ESR1: variants seen among roughly 807,000 people sequenced by gnomAD.
ESR1 encodes the protein estrogen receptor 1.
A neutral mutation model predicts 52.7 loss-of-function variants in ESR1; 12 were observed. The ratio of observed to expected loss-of-function variants is 0.23; its 90% CI spans 0.15 to 0.37. ESR1 has a LOEUF of 0.37. Among genes scored for constraint, ESR1 ranks in the 10% least tolerant of loss-of-function variants. ESR1 has a pLI of 1.00. For missense variants in ESR1, 584 were observed against 779.7 expected, an observed-to-expected ratio of 0.75 and a Z score of 2.99; for synonymous variants, 305 against 316.8, an observed-to-expected ratio of 0.96 and a Z score of 0.39.
At chr6:151,712,902 C>T (rs1341663629) in intron 2 of ESR1, among the ~76,000 whole-genome samples, 1 of 152,126 alleles carries the variant, frequency 6.6e-6, no homozygotes, top group African/African-American at 2.4e-5. Context: ...AAGAGGATAT[C>T]CTTGTCTGGT....
intron 2 of ESR1, among the ~76,000 whole-genome samples, chr6:151,779,814 C>CACATATACACCATGGAATACTAT (rs1786362485): frequency 2.3e-5 from 3 of 130,334 alleles, no homozygotes; most frequent in Non-Finnish European, 3.4e-5. Flanking sequence ...GAAAATGTGG[C>CACATATACACCATGGAATACTAT]GCGTGAACCC....
chr6:151,824,949 G>C (rs961700595), intron 1 of ESR1, among the ~76,000 whole-genome samples: 2 of 151,860 alleles, frequency 1.3e-5, no homozygotes, highest in African/African-American at 4.8e-5. Flanking sequence ...AAGAGTTCTT[G>C]CTTTCAAAAC....
At chr6:151,978,987 A>G (rs1404243887) in intron 4 of ESR1, among the ~76,000 whole-genome samples, 1 of 152,228 alleles carries the variant, frequency 6.6e-6, no homozygotes, top group Non-Finnish European at 1.5e-5. Context: ...TGAAGGTTAA[A>G]TGATTAGGTA....
intron 5 of ESR1, among the ~76,000 whole-genome samples, chr6:152,016,897 G>T (rs2043211971): frequency 6.6e-6 from 1 of 152,162 alleles, no homozygotes; most frequent in Non-Finnish European, 1.5e-5. Flanking sequence ...AGGGGGGAAA[G>T]ATAGCTTGAA....
At chr6:151,705,398 T>C (rs1338738743) in intron 2 of ESR1, among the ~76,000 whole-genome samples, 1 of 152,158 alleles carries the variant, frequency 6.6e-6, no homozygotes, top group East Asian at 1.9e-4. Context: ...ATGATCTATA[T>C]CATTATTTTG....
intron 2 of ESR1, among the ~76,000 whole-genome samples, chr6:151,738,670 A>G (rs1044897865): frequency 6.6e-6 from 1 of 152,318 alleles, no homozygotes; most frequent in East Asian, 1.9e-4. Context: ...TAAGAGCAAT[A>G]TCATAAATTA....
At chr6:152,083,615 TA>T (rs2049426434) in intron 6 of ESR1, among the ~76,000 whole-genome samples, 1 of 152,194 alleles carries the variant, frequency 6.6e-6, no homozygotes, top group Non-Finnish European at 1.5e-5. Flanking sequence ...TGGATCTAAT[TA>T]AACTAAAGAG....
intron 3 of ESR1, among the ~76,000 whole-genome samples, chr6:151,912,126 G>A (rs1482935207): frequency 6.6e-6 from 1 of 152,152 alleles, no homozygotes; most frequent in Non-Finnish European, 1.5e-5. Context: ...GAGTGCTGAT[G>A]AATAATAGTA....
At chr6:151,998,471 G>A (rs2128736088) in intron 4 of ESR1, among the ~76,000 whole-genome samples, 1 of 152,054 alleles carries the variant, frequency 6.6e-6, no homozygotes, top group South Asian at 2.1e-4. Context: ...TTTGGGAAAA[G>A]CCAAGATGAG....
At chr6:152,059,796 A>G (rs2047404921) in intron 5 of ESR1, among the ~76,000 whole-genome samples, 1 of 152,180 alleles carries the variant, frequency 6.6e-6, no homozygotes, top group South Asian at 2.1e-4. Context: ...TTTAACAACA[A>G]AATACTTGAA....
chr6:151,878,581 G>C (rs1020001384), intron 2 of ESR1, among the ~76,000 whole-genome samples: 97 of 152,252 alleles, frequency 6.4e-4, no homozygotes, highest in Middle Eastern at 3.4e-3. Flanking sequence ...AGAACAAAGA[G>C]CTCTGTAGTT....
intron 4 of ESR1, among the ~76,000 whole-genome samples, chr6:151,980,993 C>T (rs186421348): frequency 1.8e-4 from 27 of 152,308 alleles, no homozygotes; most frequent in African/African-American, 6.0e-4. Flanking sequence ...TAAGCCACCA[C>T]GCCCAGTCCA....
intron 1 of ESR1, among the ~76,000 whole-genome samples, chr6:151,667,775 A>T (rs144907935): frequency 6.6e-6 from 1 of 152,336 alleles, no homozygotes; most frequent in African/African-American, 2.4e-5. Context: ...ATGGACATCA[A>T]AATATGCTGA....
chr6:151,690,210 T>A (rs758652549), upstream of ESR1, among the ~76,000 whole-genome samples: 1 of 152,210 alleles, frequency 6.6e-6, no homozygotes, highest in South Asian at 2.1e-4. Context: ...TGCTGAATGA[T>A]GTTTTATTTT....
At position 151,954,630 on chromosome 6, in the gene ESR1, C is replaced by T. The variant is rs528454842; in HGVS notation, c.1096+10122C>T. On this transcript the variant is annotated intron_variant, in intron 4 of 7. Coordinates refer to ENST00000206249, the MANE Select transcript of ESR1 (RefSeq NM_000125.4). ...CATGGCACATCATAACATTTGATTCCTTTTACCTGGTCAAGATGTTTGCTT... is the reference window on the plus strand; with the variant it reads ...CATGGCACATCATAACATTTGATTCTTTTTACCTGGTCAAGATGTTTGCTT... Among the ~76,000 whole-genome samples, 3 of 152,206 alleles carry T rather than the reference C, an allele frequency of 2.0e-5. No homozygotes were observed. The East Asian group carries it at 5.8e-4, about 29-fold the overall frequency.
At chr6:152,082,503 A>G (rs772509068) in intron 6 of ESR1, among the ~76,000 whole-genome samples, 3 of 152,208 alleles carry the variant, frequency 2.0e-5, no homozygotes, top group Non-Finnish European at 4.4e-5. Context: ...CACAGCCAAT[A>G]TCATACTGAA....
At chr6:151,769,504 C>T (rs1339719837) in intron 2 of ESR1, among the ~76,000 whole-genome samples, 1 of 152,014 alleles carries the variant, frequency 6.6e-6, no homozygotes, top group Non-Finnish European at 1.5e-5. Flanking sequence ...AATGGTGAGT[C>T]GTGGAATGAC....
At chr6:151,737,497 C>T (rs556906747) in intron 2 of ESR1, among the ~76,000 whole-genome samples, 2 of 152,120 alleles carry the variant, frequency 1.3e-5, no homozygotes, top group South Asian at 4.1e-4. Context: ...TATCAATGTG[C>T]ATTTTTTTGC....
intron 5 of ESR1, among the ~76,000 whole-genome samples, chr6:152,023,531 C>T (rs926549017): frequency 7.2e-5 from 11 of 152,140 alleles, no homozygotes; most frequent in Non-Finnish European, 1.5e-4. Context: ...TTGATAATCA[C>T]AATGCCATTC....
Sources: allele counts gnomAD v4.1 joint callset (sites outside exome capture counted in the v4.1 genomes callset), GRCh38; gene constraint gnomAD v4.1.1; transcripts MANE v1.5; gene names NCBI Gene and HGNC (gene_info 2026-07-23, HGNC 2026-07-21).